Variants in ASIC2 observed in about 807,000 individuals in gnomAD.
ASIC2 encodes acid sensing ion channel subunit 2, also known as acid-sensing ion channel 2.
In ASIC2, 25 loss-of-function variants were observed where a neutral mutation model predicts 57.3. That is an observed-to-expected ratio of 0.44 (90% CI 0.32 to 0.61). ASIC2 has a LOEUF of 0.61. Among genes scored for constraint, ASIC2 ranks in the 20% least tolerant of loss-of-function variants. The pLI, the probability that ASIC2 is intolerant of heterozygous loss-of-function variation, is 0.06. For missense variants in ASIC2, 641 were observed against 738.1 expected (o/e 0.87, Z 1.52); for synonymous variants, 319 against 307.5 (o/e 1.04, Z -0.39).
At chr17:34,137,458 A>C (rs1912156616) in intron 1 of ASIC2, among the ~76,000 whole-genome samples, 1 of 152,240 alleles carries the variant, frequency 6.6e-6, no homozygotes. Context: ...GTTTGTTAGC[A>C]TGCCAGATAA....
At chr17:33,277,582 G>A (rs907914816) in intron 1 of ASIC2, among the ~76,000 whole-genome samples, 60 of 152,316 alleles carry the variant, frequency 3.9e-4, no homozygotes, top group Non-Finnish European at 8.8e-5. Context: ...ACGTTTTGGA[G>A]GCTGAATGAG....
chr17:34,018,366 G>C (rs1404444731), intron 1 of ASIC2, among the ~76,000 whole-genome samples: 1 of 152,180 alleles, frequency 6.6e-6, no homozygotes, highest in Non-Finnish European at 1.5e-5. Context: ...AATGCATCTG[G>C]TGACCCAAGA....
rs532212704 is a variant in ASIC2 at position 33,519,441 on chromosome 17, C to T, written c.556-407374G>A. 2.6e-5 allele frequency among the ~76,000 whole-genome samples: 4 copies of T among 152,272 alleles called. No individual in the cohort carries two copies. In the East Asian group the frequency reaches 7.7e-4, roughly 29 times the overall value. On this transcript the variant is annotated intron_variant, in intron 1 of 9. Transcript: ENST00000359872. ...TCTGACATTTGACGAGCTATGACCCCCGTATTTCTCTACCTAGGCTTTGCA... is the reference window on the plus strand; with the variant it reads ...TCTGACATTTGACGAGCTATGACCCTCGTATTTCTCTACCTAGGCTTTGCA...
chr17:34,142,188 G>A (rs1912289054), intron 1 of ASIC2, among the ~76,000 whole-genome samples: 1 of 152,084 alleles, frequency 6.6e-6, no homozygotes, highest in Admixed American at 6.6e-5. Context: ...CAAGGAAAAA[G>A]TGGAAACTGA....
chr17:34,049,433 C>G (rs940718127), intron 1 of ASIC2, among the ~76,000 whole-genome samples: 3 of 152,154 alleles, frequency 2.0e-5, no homozygotes, highest in Non-Finnish European at 4.4e-5. Flanking sequence ...GTTCCAGGAA[C>G]AGGCTGCATT....
chr17:33,974,094 G>A (rs896280397), intron 1 of ASIC2, among the ~76,000 whole-genome samples: 1 of 151,982 alleles, frequency 6.6e-6, no homozygotes, highest in Admixed American at 6.5e-5. Flanking sequence ...TGGGAAATGG[G>A]ACGATTCTGT....
chr17:33,358,215 A>G (rs1014229281), intron 1 of ASIC2, among the ~76,000 whole-genome samples: 7 of 152,212 alleles, frequency 4.6e-5, no homozygotes, highest in African/African-American at 1.4e-4. Flanking sequence ...AGCCATGTTC[A>G]TTTGTTTGTA....
intron 1 of ASIC2, among the ~76,000 whole-genome samples, chr17:33,989,930 G>A (rs1905949719): frequency 6.6e-6 from 1 of 152,190 alleles, no homozygotes; most frequent in South Asian, 2.1e-4. Flanking sequence ...GTGGGAAGAA[G>A]GGGAAAGAGG....
At chr17:33,651,994 A>G (rs1419429693) in intron 1 of ASIC2, among the ~76,000 whole-genome samples, 3 of 152,112 alleles carry the variant, frequency 2.0e-5, no homozygotes, top group African/African-American at 4.8e-5. Context: ...GAGTGTGTGC[A>G]TGTGCATGCG....
chr17:33,433,493 C>T (rs188862405), intron 1 of ASIC2, among the ~76,000 whole-genome samples: 9 of 152,290 alleles, frequency 5.9e-5, no homozygotes, highest in Admixed American at 3.9e-4. Flanking sequence ...CAGTGGCTCA[C>T]GCCTGTAATC....
chr17:34,051,858 C>CACAT lies in ASIC2; in HGVS notation c.555+104119_555+104120insATGT, dbSNP rs1567801884. ...ACACACACACACACATACACACACA[C>CACAT]AGAGAGAGAGAGAGAGCGAGAGAGC... On this transcript the variant is annotated intron_variant, in intron 1 of 9. Coordinates refer to the ASIC2 transcript ENST00000359872. 490 of 54,666 alleles carry CACAT rather than the reference C, an allele frequency of 9.0e-3. 3 individuals carry two copies. The highest frequency in any genetic ancestry group is 0.08 in the African/African-American group (467 of 5,816). 3.4% of individuals were successfully genotyped at this position (54,666 alleles called of 1,614,324 possible).
intron 1 of ASIC2, among the ~76,000 whole-genome samples, chr17:33,462,859 A>T (rs1188640666): frequency 6.6e-6 from 1 of 152,144 alleles, no homozygotes; most frequent in African/African-American, 2.4e-5. Flanking sequence ...TTAGGTTTCT[A>T]CTTTGCGGCT....
intron 1 of ASIC2, among the ~76,000 whole-genome samples, chr17:33,518,378 C>G (rs994685078): frequency 1.3e-5 from 2 of 152,166 alleles, no homozygotes; most frequent in Non-Finnish European, 1.5e-5. Flanking sequence ...GAGTCCCAGC[C>G]CCTGCATGAT....
At chr17:34,123,216 TG>T (rs1165751008) in intron 1 of ASIC2, among the ~76,000 whole-genome samples, 2 of 152,122 alleles carry the variant, frequency 1.3e-5, no homozygotes, top group Non-Finnish European at 2.9e-5. Context: ...CTGCTGGCCC[TG>T]GAACTAGGGA....
chr17:33,071,620 T>C (rs1375758306), intron 3 of ASIC2, among the ~76,000 whole-genome samples: 1 of 152,206 alleles, frequency 6.6e-6, no homozygotes, highest in Non-Finnish European at 1.5e-5. Context: ...GACATCATGA[T>C]TGGATGCCAG....
At chr17:33,416,318 G>A (rs1910839023) in intron 1 of ASIC2, among the ~76,000 whole-genome samples, 1 of 152,232 alleles carries the variant, frequency 6.6e-6, no homozygotes, top group African/African-American at 2.4e-5. Context: ...AATTGACCAA[G>A]CTTGCACCAT....
chr17:33,894,350 C>T (rs694333), intron 1 of ASIC2, among the ~76,000 whole-genome samples: 64,227 of 137,614 alleles, frequency 0.47, 14,397 homozygotes, highest in East Asian at 0.57. Context: ...TGCGTGCGTG[C>T]GTGTGTGTGT....
chr17:33,917,176 C>T (rs1018715287), intron 1 of ASIC2, among the ~76,000 whole-genome samples: 3 of 152,166 alleles, frequency 2.0e-5, no homozygotes, highest in African/African-American at 7.2e-5. Context: ...AAGTTCTGGC[C>T]TGCACTCTGC....
At chr17:33,531,466 G>A (rs531434185) in intron 1 of ASIC2, among the ~76,000 whole-genome samples, 8 of 152,322 alleles carry the variant, frequency 5.3e-5, no homozygotes, top group African/African-American at 1.9e-4. Flanking sequence ...CGACCTTGCA[G>A]AGGCCCTTGC....
Sources: gnomAD v4.1 joint callset for allele counts (sites outside exome capture counted in the v4.1 genomes callset) on GRCh38, gnomAD v4.1.1 for gene constraint, MANE v1.5 for transcripts, NCBI Gene and HGNC (gene_info 2026-07-23, HGNC 2026-07-21) for gene names.